Variants in GAB4 observed in about 807,000 individuals in gnomAD.
The protein encoded by GAB4 is GRB2-associated-binding protein 4.
In GAB4, 26 loss-of-function variants were observed where a neutral mutation model predicts 51.3. That is an observed-to-expected ratio of 0.51 (90% confidence interval 0.37 to 0.70). The LOEUF (loss-of-function observed/expected upper bound fraction) is 0.70. Among genes scored for constraint, GAB4 ranks in the 30% least tolerant of loss-of-function variants. The probability of loss-of-function intolerance (pLI) is 0.00; values close to 1 mark genes in which losing one functional copy is unlikely to be tolerated. For missense variants in GAB4, 759 were observed against 734.6 expected (o/e 1.03, Z -0.38); for synonymous variants, 329 against 291.2 (o/e 1.13, Z -1.32).
rs2060945875 is a variant in GAB4, at chr22:16,995,879, T to C, written c.175-3703A>G. Among the ~76,000 whole-genome samples, 9 of 152,094 alleles carry C rather than the reference T, an allele frequency of 5.9e-5. No individual in the cohort carries two copies. In the South Asian group the frequency reaches 1.7e-3, roughly 28 times the overall value. ...AAACCAGGGCAAAAAGGCTGAAAAT[T>C]CCAAAATCCAGAATGCCTCTTCTCC... On this transcript the variant is annotated intron_variant, in intron 1 of 9. Transcript: ENST00000400588.
chr22:16,998,145 T>C (rs2060965972), intron 1 of GAB4, among the ~76,000 whole-genome samples: 2 of 152,194 alleles, frequency 1.3e-5, no homozygotes, highest in Non-Finnish European at 2.9e-5. Context: ...TTTGGTTCCA[T>C]ATGAACTTTA....
At chr22:16,995,309 A>T (rs1310977728) in intron 1 of GAB4, among the ~76,000 whole-genome samples, 1 of 152,370 alleles carries the variant, frequency 6.6e-6, no homozygotes, top group African/African-American at 2.4e-5. Context: ...GCTCGGCTCC[A>T]GTCTTCATCC....
intron 4 of GAB4, chr22:16,969,536 C>G: frequency 2.0e-6 from 1 of 490,724 alleles, no homozygotes; most frequent in Non-Finnish European, 3.5e-6. Flanking sequence ...CCATGGGAGA[C>G]CAAGGACTAG....
Position 16,965,234 on chromosome 22 carries a change from C to T in GAB4, c.1323G>A (p.Arg441=). ...GCTTGAAGGAGAGCTCATTGATGAC[C>T]CTGTTGTTTCTCAGGTTGGGCGGTG... ...NPTPPNLRNN[R]VINELSFKPP... is the part of the protein sequence containing the mutation. Residue 441 remains arginine, a synonymous_variant, in exon 7 of 10, where the codon AGG becomes AGA. Transcript: ENST00000400588. The T allele has an allele frequency of 6.2e-7, 1 of 1,614,024 alleles. No individual in the cohort carries two copies. Among genetic ancestry groups the T allele is most frequent in the Non-Finnish European group, 8.5e-7 (1 of 1,179,956 alleles).
chr22:16,966,297 G>A lies in GAB4; in HGVS notation c.1091C>T (p.Pro364Leu). The A allele has an allele frequency of 6.2e-7, 1 of 1,613,828 alleles. No homozygotes were observed. The highest frequency in any genetic ancestry group is 8.5e-7 in the Non-Finnish European group (1 of 1,179,980). The change falls in exon 6 of 10, where the codon CCA (proline) becomes CTA (leucine). Residue 364 changes from proline to leucine, a missense_variant. Pro to Leu is a moderately conservative substitution (Grantham distance 98). Transcript: ENST00000400588. ...ASEGSCVPMN[P>L]GSPTLPAVKQ... ...CACAGCCGGCAGGGTAGGGGAGCCT[G>A]GGTTCATGGGCACACAGCTGCCCTC...
chr22:16,965,252 G>T lies in GAB4; in HGVS notation c.1305C>A (p.Pro435=). ...KPNQKANPTP[P]NLRNNRVINE... ...TGATGACCCTGTTGTTTCTCAGGTT[G>T]GGCGGTGTTGGGTTGGCTGGAGCAG... Residue 435 remains proline, a synonymous_variant, in exon 7 of 10, where the codon CCC becomes CCA. Transcript: ENST00000400588. 2 of 1,613,948 alleles carry T rather than the reference G, an allele frequency of 1.2e-6. No individual in the cohort carries two copies. The highest frequency in any genetic ancestry group is 8.5e-7 in the Non-Finnish European group (1 of 1,179,926).
chr22:16,968,616 C>T (rs2060703211), intron 4 of GAB4, among the ~76,000 whole-genome samples: 1 of 152,146 alleles, frequency 6.6e-6, no homozygotes, highest in Non-Finnish European at 1.5e-5. Context: ...GATGCCTGCC[C>T]TCAGGACACA....
intron 1 of GAB4, among the ~76,000 whole-genome samples, chr22:17,000,190 T>A (rs572025480): frequency 1.6e-4 from 24 of 152,368 alleles, no homozygotes; most frequent in African/African-American, 5.5e-4. Context: ...AATTCCTGGA[T>A]ACCTTTGTTA....
Position 16,965,275 on chromosome 22 carries a change from C to G in GAB4, c.1289-7G>C, listed in dbSNP as rs1367062590. 6.2e-7 allele frequency: 1 copy of G among 1,611,772 alleles called. No individual in the cohort carries two copies. The highest frequency in any genetic ancestry group is 8.5e-7 in the Non-Finnish European group (1 of 1,178,140). The stretch of plus-strand genomic sequence containing the variant: ...TTGGGCGGTGTTGGGTTGGCTGGAG[C>G]AGGAAAAGAACCTTGTCATCAGCCA... On this transcript the variant is annotated splice_region_variant and splice_polypyrimidine_tract_variant and intron_variant, in intron 6 of 9. Transcript: ENST00000400588.
intron 1 of GAB4, among the ~76,000 whole-genome samples, chr22:17,004,747 A>G (rs575793677): frequency 1.3e-5 from 2 of 152,336 alleles, no homozygotes; most frequent in South Asian, 4.1e-4. Flanking sequence ...ACCAATGACA[A>G]AAACCACATG....
chr22:16,987,055 C>T (rs921064887), intron 3 of GAB4, among the ~76,000 whole-genome samples: 2 of 152,212 alleles, frequency 1.3e-5, no homozygotes, highest in African/African-American at 4.8e-5. Flanking sequence ...TCCTAGCTAT[C>T]TCTCATATGT....
chr22:16,966,034 A>T, intron 6 of GAB4, 66 bp downstream of exon 6: 1 of 1,470,586 alleles, frequency 6.8e-7, no homozygotes, highest in African/African-American at 1.4e-5. Flanking sequence ...TCCAGGATCC[A>T]CCTGACACCT....
At position 16,962,843 on chromosome 22, in the gene GAB4, C is replaced by A; in HGVS notation, c.1615G>T (p.Val539Leu). 1 of 1,613,482 alleles carries A rather than the reference C, an allele frequency of 6.2e-7. No homozygotes were observed. The highest frequency in any genetic ancestry group is 1.1e-5 in the South Asian group (1 of 91,022). ...TCCAGATCCACCTGGACATAGTCCA[C>A]CTTCTTGCCGGACGTGACAGAGCCT... ...SIGSVTSGKK[V>L]DYVQVDLEKT... Residue 539 changes from valine (V) to leucine (L), a missense_variant, in exon 10 of 10, where the codon GTG becomes TTG. Physicochemically the swap from Val to Leu is conservative, Grantham distance 32. Coordinates refer to ENST00000400588, the MANE Select transcript of GAB4 (RefSeq NM_001037814.1).
At chr22:16,977,710 A>G (rs960763604) in intron 3 of GAB4, among the ~76,000 whole-genome samples, 23 of 152,254 alleles carry the variant, frequency 1.5e-4, no homozygotes, top group African/African-American at 5.5e-4. Flanking sequence ...ATCCCAAATC[A>G]ACAGAATATA....
chr22:16,978,987 C>T (rs2060804328), intron 3 of GAB4, among the ~76,000 whole-genome samples: 1 of 152,148 alleles, frequency 6.6e-6, no homozygotes, highest in South Asian at 2.1e-4. Flanking sequence ...AACACCCCTT[C>T]GTGCTAAAAA....
chr22:16,974,017 A>G (rs1368069909), intron 3 of GAB4, among the ~76,000 whole-genome samples: 1 of 152,252 alleles, frequency 6.6e-6, no homozygotes, highest in East Asian at 1.9e-4. Flanking sequence ...GGAAGCCAAC[A>G]TGCCTGAAAT....
intron 5 of GAB4, chr22:16,966,938 G>A (rs1442727422): frequency 6.5e-6 from 1 of 154,628 alleles, no homozygotes; most frequent in African/African-American, 2.4e-5. Flanking sequence ...AACTCCATTC[G>A]ATGTGGATGC....
chr22:16,990,186 ACT>A (rs1466834566), intron 2 of GAB4, among the ~76,000 whole-genome samples: 3 of 150,946 alleles, frequency 2.0e-5, no homozygotes, highest in Non-Finnish European at 4.4e-5. Flanking sequence ...CTCACAAAGC[ACT>A]CTCTCTCTTT....
At chr22:17,002,105 G>T (rs1204502971) in intron 1 of GAB4, among the ~76,000 whole-genome samples, 1 of 152,138 alleles carries the variant, frequency 6.6e-6, no homozygotes, top group East Asian at 1.9e-4. Context: ...GACCCCTTGT[G>T]CTTCCCGGGT....
Sources: allele counts gnomAD v4.1 joint callset (sites outside exome capture counted in the v4.1 genomes callset), GRCh38; gene constraint gnomAD v4.1.1; transcripts MANE v1.5; gene names NCBI Gene and HGNC (gene_info 2026-07-23, HGNC 2026-07-21).